DMD: variants seen among roughly 807,000 people sequenced by gnomAD.
DMD encodes mutant dystrophin.
DMD carries 63 observed loss-of-function variants against 330.1 expected under a neutral mutation model. The observed-to-expected ratio is 0.19, with a 90% confidence interval of 0.16 to 0.24. DMD has a LOEUF of 0.24. Among genes scored for constraint, DMD ranks in the 10% least tolerant of loss-of-function variants. The pLI is 1.00. For missense variants in DMD, 3,344 were observed against 2,684.1 expected (o/e 1.25, Z -5.43); for synonymous variants, 1,223 against 959.8 (o/e 1.27, Z -5.07).
Position 32,545,193 on chromosome X carries a change from T to A in DMD, c.2134A>T (p.Arg712Trp). 8.3e-7 allele frequency: 1 copy of A among 1,211,183 alleles called. No individual in the cohort carries two copies. The highest frequency in any genetic ancestry group is 1.1e-6 in the Non-Finnish European group (1 of 894,986). ...ATTTCAGAATCCACAGTAATCTGCC[T>A]CTTCTTTTGGGGAGGTGGTGGTGGA... is the stretch of plus-strand genomic sequence containing the variant. ...ELPPPPPQKK[R>W]QITVDSEIRK... is the part of the protein sequence containing the mutation. The change falls in exon 17 of 79, where the codon AGG (arginine) becomes TGG (tryptophan). Residue 712 changes from arginine (R) to tryptophan (W), a missense_variant. Physicochemically the swap from Arg to Trp is moderately radical, Grantham distance 101. Coordinates refer to ENST00000357033, the MANE Select transcript of DMD (RefSeq NM_004006.3).
rs979471392 is a variant in DMD, at chrX:33,052,479, T to C, written c.32-32279A>G. On this transcript the variant is annotated intron_variant, in intron 1 of 78. Coordinates refer to ENST00000357033, the MANE Select transcript of DMD (RefSeq NM_004006.3). The stretch of plus-strand genomic sequence containing the variant: ...CCCTTATAAACATATCCTGATAATA[T>C]GGAAACATTTATTCAACTAACTAAT... 4.5e-5 allele frequency among the ~76,000 whole-genome samples: 5 copies of C among 111,698 alleles called. No homozygotes were observed. In the East Asian group the frequency reaches 1.1e-3, roughly 25 times the overall value.
At chrX:31,730,809 T>C (rs1262808438) in intron 51 of DMD, among the ~76,000 whole-genome samples, 1 of 111,811 alleles carries the variant, frequency 8.9e-6, no homozygotes. Context: ...GCCAGCAAGT[T>C]TGTATAATTT....
intron 1 of DMD, among the ~76,000 whole-genome samples, chrX:33,124,349 G>A (rs757778678): frequency 1.6e-3 from 164 of 104,641 alleles, no homozygotes; most frequent in African/African-American, 4.7e-3. Context: ...GGTGGCAGGC[G>A]CCTGTAGTCC....
chrX:33,083,113 G>C (rs1435709042), intron 1 of DMD, among the ~76,000 whole-genome samples: 1 of 111,887 alleles, frequency 8.9e-6, no homozygotes, highest in Non-Finnish European at 1.9e-5. Context: ...TGGGATGCCA[G>C]GTTTCTGGGT....
At chrX:32,628,258 ATTTTTTT>A (rs1170760390) in intron 11 of DMD, among the ~76,000 whole-genome samples, 1 of 15,359 alleles carries the variant, frequency 6.5e-5, no homozygotes, top group Non-Finnish European at 1.2e-4. Context: ...AGTTGTTTTA[ATTTTTTT>A]TTTTTTTTTT....
intron 1 of DMD, among the ~76,000 whole-genome samples, chrX:33,132,372 T>G: frequency 1.8e-5 from 2 of 111,713 alleles, no homozygotes. Flanking sequence ...CATTGCACCT[T>G]GCACAAAGGT....
At chrX:32,010,814 T>A (rs1472221284) in intron 44 of DMD, among the ~76,000 whole-genome samples, 1 of 112,028 alleles carries the variant, frequency 8.9e-6, no homozygotes, top group Admixed American at 9.5e-5. Flanking sequence ...CTTGTGTGCC[T>A]CCCCTGAGAG....
chrX:32,573,671 A>T, intron 14 of DMD, 34 bp from the exon 15 acceptor site: 6 of 1,198,419 alleles, frequency 5.0e-6, no homozygotes, highest in Non-Finnish European at 6.8e-6. Flanking sequence ...AGGAATAAAT[A>T]AACATAAATC....
chrX:32,024,486 C>CAA (rs71872956), intron 44 of DMD, among the ~76,000 whole-genome samples: 5,915 of 61,095 alleles, frequency 0.097, 311 homozygotes, highest in East Asian at 0.2. Context: ...AACTCCCTCT[C>CAA]AAAAAAAAAA....
At chrX:32,786,279 A>T (rs112449312) in intron 7 of DMD, among the ~76,000 whole-genome samples, 1 of 110,134 alleles carries the variant, frequency 9.1e-6, no homozygotes, top group Non-Finnish European at 1.9e-5. Flanking sequence ...TTTAATCCAC[A>T]TATGACTCAA....
chrX:32,983,641 GATATT>G (rs2092768238), intron 2 of DMD, among the ~76,000 whole-genome samples: 1 of 109,252 alleles, frequency 9.2e-6, no homozygotes, highest in African/African-American at 3.3e-5. Flanking sequence ...TTCTGGCTGT[GATATT>G]ATATTATAGT....
At chrX:32,825,429 T>C (rs1307066376) in intron 4 of DMD, among the ~76,000 whole-genome samples, 3 of 111,542 alleles carry the variant, frequency 2.7e-5, no homozygotes, top group Non-Finnish European at 5.7e-5. Flanking sequence ...TAAAGGAAAG[T>C]AAGGTACTAC....
chrX:32,637,721 C>T (rs967972519), intron 11 of DMD, among the ~76,000 whole-genome samples: 1 of 111,072 alleles, frequency 9.0e-6, no homozygotes, highest in Non-Finnish European at 1.9e-5. Flanking sequence ...GGAAGAAGGG[C>T]CAAGCAAAAG....
At chrX:32,132,652 A>G (rs1603626673) in intron 44 of DMD, among the ~76,000 whole-genome samples, 2 of 111,460 alleles carry the variant, frequency 1.8e-5, no homozygotes, top group African/African-American at 6.5e-5. Context: ...CTTGCTGCTA[A>G]TTCAACCACT....
intron 1 of DMD, among the ~76,000 whole-genome samples, chrX:33,150,790 C>G (rs955651040): frequency 9.1e-6 from 1 of 109,890 alleles, no homozygotes; most frequent in Non-Finnish European, 1.9e-5. Context: ...CCTGATTTCC[C>G]TTGCCCTACT....
chrX:33,100,644 T>C (rs746998149), intron 1 of DMD, among the ~76,000 whole-genome samples: 131 of 111,462 alleles, frequency 1.2e-3, no homozygotes, highest in Non-Finnish European at 2.3e-3. Flanking sequence ...TGAGCCAAGA[T>C]TGCACAGTTG....
intron 42 of DMD, among the ~76,000 whole-genome samples, chrX:32,294,053 A>G (rs141369045): frequency 0.012 from 1,293 of 111,950 alleles, 19 homozygotes; most frequent in African/African-American, 0.039. Context: ...ACGTGCACCA[A>G]CATATCTTCT....
chrX:33,272,540 G>T (rs1380046879), intron 1 of DMD, among the ~76,000 whole-genome samples: 4 of 111,245 alleles, frequency 3.6e-5, no homozygotes, highest in Non-Finnish European at 5.7e-5. Context: ...AAATTATTGG[G>T]AATATTCTGA....
intron 62 of DMD, among the ~76,000 whole-genome samples, chrX:31,320,257 T>A (rs1386497952): frequency 8.9e-6 from 1 of 112,430 alleles, no homozygotes; most frequent in African/African-American, 3.2e-5. Flanking sequence ...ATTTGCAAAC[T>A]AGAGCAAAAG....
Sources: allele counts gnomAD v4.1 joint callset (sites outside exome capture counted in the v4.1 genomes callset), GRCh38; gene constraint gnomAD v4.1.1; transcripts MANE v1.5; gene names NCBI Gene and HGNC (gene_info 2026-07-23, HGNC 2026-07-21).